DGKB: variants seen among roughly 807,000 people sequenced by gnomAD.
DGKB encodes the protein 90 kDa diacylglycerol kinase.
Under a neutral mutation model 114.3 loss-of-function variants are expected in DGKB, and 67 were observed. The ratio of observed to expected loss-of-function variants is 0.59; its 90% CI spans 0.48 to 0.72. The LOEUF is 0.72. Among genes scored for constraint, DGKB ranks in the 30% least tolerant of loss-of-function variants. DGKB has a pLI of 0.00. For synonymous variants in DGKB, 398 were observed against 323.1 expected (o/e 1.23, Z -2.49); for missense variants, 907 against 975.2 (o/e 0.93, Z 0.93).
chr7:14,851,554 A>T (rs1423215051), intron 1 of DGKB, among the ~76,000 whole-genome samples: 2 of 152,182 alleles, frequency 1.3e-5, no homozygotes, highest in Non-Finnish European at 2.9e-5. Flanking sequence ...GATACCTTTC[A>T]TCTCACATGG....
chr7:14,686,931 A>G (rs1052262397), intron 9 of DGKB, among the ~76,000 whole-genome samples: 1 of 152,096 alleles, frequency 6.6e-6, no homozygotes, highest in Admixed American at 6.6e-5. Flanking sequence ...CAATAGAGAC[A>G]TGTCTCCCTC....
intron 3 of DGKB, among the ~76,000 whole-genome samples, chr7:14,754,776 ACT>A (rs1834628231): frequency 6.6e-6 from 1 of 151,686 alleles, no homozygotes; most frequent in Non-Finnish European, 1.5e-5. Context: ...GGCTAATAAG[ACT>A]CTCTCCCCTT....
At chr7:14,374,416 G>T (rs1302959408) in intron 21 of DGKB, among the ~76,000 whole-genome samples, 2 of 152,088 alleles carry the variant, frequency 1.3e-5, no homozygotes, top group Non-Finnish European at 2.9e-5. Context: ...CCTCAAACTG[G>T]TTCTGCATTA....
At chr7:14,179,414 C>A (rs1347227252) in intron 23 of DGKB, among the ~76,000 whole-genome samples, 1 of 152,080 alleles carries the variant, frequency 6.6e-6, no homozygotes, top group Non-Finnish European at 1.5e-5. Context: ...TGTTTAGTAG[C>A]AGAAAAACTA....
chr7:14,892,864 A>ATGTGTG (rs10646592), intron 1 of DGKB, among the ~76,000 whole-genome samples: 18,675 of 146,956 alleles, frequency 0.13, 1,624 homozygotes, highest in East Asian at 0.38. Context: ...ATATATATAT[A>ATGTGTG]TGTGTGTGTG....
intron 2 of DGKB, among the ~76,000 whole-genome samples, chr7:14,772,476 G>T (rs1342725655): frequency 6.6e-6 from 1 of 152,132 alleles, no homozygotes; most frequent in Non-Finnish European, 1.5e-5. Flanking sequence ...TAGTAAAAAT[G>T]TTGAAGAATT....
chr7:14,721,352 G>A lies in DGKB; in HGVS notation c.323-2667C>T, dbSNP rs144933776. 2.0e-5 allele frequency among the ~76,000 whole-genome samples: 3 copies of A among 152,230 alleles called. No homozygotes were observed. The East Asian group carries it at 5.8e-4, about 29-fold the overall frequency. On this transcript the variant is annotated intron_variant, in intron 5 of 25. Coordinates refer to ENST00000402815, the MANE Select transcript of DGKB (RefSeq NM_001350709.2). ...CTTTTCTGTATGTAATGTATAAATCGAGTATGAATGTACACATATAATTTG... is the reference window on the plus strand; with the variant it reads ...CTTTTCTGTATGTAATGTATAAATCAAGTATGAATGTACACATATAATTTG...
chr7:14,747,906 G>C (rs966074691), intron 4 of DGKB, among the ~76,000 whole-genome samples: 2 of 152,142 alleles, frequency 1.3e-5, no homozygotes, highest in Non-Finnish European at 2.9e-5. Context: ...CTGACTGAGG[G>C]AGCTGCTCAG....
chr7:14,793,712 T>C (rs1007558618), intron 2 of DGKB, among the ~76,000 whole-genome samples: 24 of 152,198 alleles, frequency 1.6e-4, no homozygotes, highest in African/African-American at 5.8e-4. Context: ...TATGAGAAAT[T>C]ATCCTATTAC....
At chr7:14,295,871 C>T (rs1802460723) in intron 23 of DGKB, among the ~76,000 whole-genome samples, 1 of 151,994 alleles carries the variant, frequency 6.6e-6, no homozygotes, top group South Asian at 2.1e-4. Context: ...CCAACCCAGA[C>T]AGGCCCCAGT....
intron 2 of DGKB, among the ~76,000 whole-genome samples, chr7:14,765,275 CT>C (rs1836288244): frequency 6.6e-6 from 1 of 152,002 alleles, no homozygotes; most frequent in African/African-American, 2.4e-5. Flanking sequence ...GTGCAAGTCA[CT>C]CTCTACTTGT....
chr7:14,780,677 G>A (rs749733727), intron 2 of DGKB, among the ~76,000 whole-genome samples: 4 of 151,824 alleles, frequency 2.6e-5, no homozygotes, highest in Non-Finnish European at 4.4e-5. Flanking sequence ...TCTTACTGAG[G>A]TGCTTACTAT....
intron 20 of DGKB, among the ~76,000 whole-genome samples, chr7:14,532,586 C>G (rs1343437668): frequency 6.6e-6 from 1 of 151,028 alleles, no homozygotes; most frequent in Admixed American, 6.6e-5. Flanking sequence ...ATAAGAAATA[C>G]ATAATAATAA....
intron 20 of DGKB, among the ~76,000 whole-genome samples, chr7:14,556,780 T>A (rs747811457): frequency 1.3e-5 from 2 of 152,328 alleles, no homozygotes; most frequent in South Asian, 4.1e-4. Context: ...TATATTCACA[T>A]GTAAATTTTA....
chr7:14,551,207 C>T (rs1795052870), intron 20 of DGKB, among the ~76,000 whole-genome samples: 1 of 152,268 alleles, frequency 6.6e-6, no homozygotes, highest in East Asian at 1.9e-4. Flanking sequence ...TTTGATAGGA[C>T]ATTTGGGTGG....
At chr7:14,324,175 A>G (rs1363996655) in intron 23 of DGKB, among the ~76,000 whole-genome samples, 1 of 152,158 alleles carries the variant, frequency 6.6e-6, no homozygotes, top group African/African-American at 2.4e-5. Flanking sequence ...TTTGGCGGGC[A>G]CAGTGGCTCA....
intron 21 of DGKB, among the ~76,000 whole-genome samples, chr7:14,379,681 T>C (rs1423244489): frequency 6.6e-6 from 1 of 152,118 alleles, no homozygotes; most frequent in Non-Finnish European, 1.5e-5. Context: ...TCTCTCAGCC[T>C]CCTGAGTAGC....
intron 23 of DGKB, among the ~76,000 whole-genome samples, chr7:14,315,171 C>T (rs1806231988): frequency 7.0e-6 from 1 of 142,548 alleles, no homozygotes; most frequent in African/African-American, 2.5e-5. Flanking sequence ...CCAGCCGCTG[C>T]AAAATCATGC....
At chr7:14,774,846 G>T (rs1306626851) in intron 2 of DGKB, among the ~76,000 whole-genome samples, 5 of 152,102 alleles carry the variant, frequency 3.3e-5, no homozygotes, top group African/African-American at 1.2e-4. Flanking sequence ...AGATTTCTTT[G>T]CATGCCTTGG....
Sources: gnomAD v4.1 joint callset for allele counts (sites outside exome capture counted in the v4.1 genomes callset) on GRCh38, gnomAD v4.1.1 for gene constraint, MANE v1.5 for transcripts, NCBI Gene and HGNC (gene_info 2026-07-23, HGNC 2026-07-21) for gene names.